MFHAS1: variants seen among roughly 807,000 people sequenced by gnomAD.
The protein encoded by MFHAS1 is malignant fibrous histiocytoma-amplified sequence 1.
In MFHAS1, 50 loss-of-function variants were observed where a neutral mutation model predicts 70.4. That is an observed-to-expected ratio of 0.71 (90% CI 0.57 to 0.90). The LOEUF is 0.90. Ranked by LOEUF, MFHAS1 falls within the 40% of genes least tolerant of loss-of-function variation. MFHAS1 has a pLI of 0.00. For synonymous variants in MFHAS1, 952 were observed against 620.0 expected, an observed-to-expected ratio of 1.54 and a Z score of -7.96; for missense variants, 1,795 against 1,347.6, an observed-to-expected ratio of 1.33 and a Z score of -5.20.
At chr8:8,804,024 T>C (rs12547493) in intron 1 of MFHAS1, among the ~76,000 whole-genome samples, 70,553 of 152,012 alleles carry the variant, frequency 0.46, 17,835 homozygotes, top group East Asian at 0.84. Flanking sequence ...TCGTAGGTTA[T>C]GTGCAAATAC....
chr8:8,883,104 G>T (rs945554743), intron 1 of MFHAS1, among the ~76,000 whole-genome samples: 1 of 152,136 alleles, frequency 6.6e-6, no homozygotes, highest in Non-Finnish European at 1.5e-5. Context: ...AGTGAGCCAT[G>T]ACTGTGCCAC....
chr8:8,838,428 T>C (rs943436054), intron 1 of MFHAS1, among the ~76,000 whole-genome samples: 1 of 152,234 alleles, frequency 6.6e-6, no homozygotes, highest in Non-Finnish European at 1.5e-5. Flanking sequence ...TTTTACGCTA[T>C]CCTGCTGTGT....
At chr8:8,825,248 C>G (rs557066035) in intron 1 of MFHAS1, among the ~76,000 whole-genome samples, 3 of 152,242 alleles carry the variant, frequency 2.0e-5, no homozygotes, top group African/African-American at 7.2e-5. Flanking sequence ...TCTCTGCTCA[C>G]TGCAACCTCC....
intron 1 of MFHAS1, among the ~76,000 whole-genome samples, chr8:8,881,899 T>C (rs908128322): frequency 2.0e-5 from 3 of 149,852 alleles, no homozygotes; most frequent in African/African-American, 7.4e-5. Flanking sequence ...CAAGGCCAGG[T>C]GGTAGAAGGC....
chr8:8,826,515 T>A (rs1807169093), intron 1 of MFHAS1, among the ~76,000 whole-genome samples: 1 of 152,112 alleles, frequency 6.6e-6, no homozygotes, highest in African/African-American at 2.4e-5. Flanking sequence ...GGTAGATCAC[T>A]TAAGGTCACG....
At chr8:8,865,366 A>G (rs1030705609) in intron 1 of MFHAS1, among the ~76,000 whole-genome samples, 2 of 151,802 alleles carry the variant, frequency 1.3e-5, no homozygotes, top group African/African-American at 2.4e-5. Context: ...AGCTCCACTT[A>G]GTTTAAGAAA....
intron 1 of MFHAS1, among the ~76,000 whole-genome samples, chr8:8,843,062 G>C (rs554957210): frequency 6.6e-6 from 1 of 151,440 alleles, no homozygotes; most frequent in South Asian, 2.1e-4. Flanking sequence ...TCAGGAGATC[G>C]AGACCATCCT....
chr8:8,839,403 T>G (rs546970411), intron 1 of MFHAS1, among the ~76,000 whole-genome samples: 120 of 152,338 alleles, frequency 7.9e-4, no homozygotes, highest in African/African-American at 2.6e-3. Context: ...AAAGCTATCA[T>G]CATTAAAGAG....
chr8:8,874,322 A>G (rs1809205102), intron 1 of MFHAS1, among the ~76,000 whole-genome samples: 1 of 141,554 alleles, frequency 7.1e-6, no homozygotes, highest in Admixed American at 7.3e-5. Context: ...AGGATATACT[A>G]TAACATTCTA....
chr8:8,788,779 C>T (rs112287398), intron 2 of MFHAS1, among the ~76,000 whole-genome samples: 2 of 152,230 alleles, frequency 1.3e-5, no homozygotes, highest in Non-Finnish European at 2.9e-5. Flanking sequence ...GACATATGAC[C>T]TTGGCCTCAG....
chr8:8,835,974 T>C (rs1362170765), intron 1 of MFHAS1, among the ~76,000 whole-genome samples: 1 of 152,228 alleles, frequency 6.6e-6, no homozygotes, highest in East Asian at 1.9e-4. Context: ...CACAGGTAGG[T>C]GGTTGCCACA....
chr8:8,869,928 A>G (rs1223643036), intron 1 of MFHAS1, among the ~76,000 whole-genome samples: 1 of 152,054 alleles, frequency 6.6e-6, no homozygotes, highest in Non-Finnish European at 1.5e-5. Flanking sequence ...TATTGTCTGA[A>G]TTACCTCTAA....
At position 8,869,832 on chromosome 8, in the gene MFHAS1, G is replaced by A. The variant is rs575095452; in HGVS notation, c.2998+20229C>T. Reference sequence around the variant, plus strand: ...GTTCAAGAGCTCAGAGCTAGGAGGAGAGAGGCCCAGGACTCTGCCTCATTA... The same window carrying A: ...GTTCAAGAGCTCAGAGCTAGGAGGAAAGAGGCCCAGGACTCTGCCTCATTA... On this transcript the variant is annotated intron_variant, in intron 1 of 2. Coordinates refer to ENST00000276282, the MANE Select transcript of MFHAS1 (RefSeq NM_004225.3). Among the ~76,000 whole-genome samples the A allele has an allele frequency of 4.6e-5, 7 of 152,294 alleles. No homozygotes were observed. In the South Asian group the frequency reaches 1.0e-3, roughly 23 times the overall value.
At chr8:8,838,856 C>T (rs530128807) in intron 1 of MFHAS1, among the ~76,000 whole-genome samples, 8 of 152,158 alleles carry the variant, frequency 5.3e-5, no homozygotes, top group African/African-American at 1.9e-4. Context: ...TCTCTTCTCC[C>T]TTCCTGAGTA....
Position 8,890,566 on chromosome 8 carries a change from G to A in MFHAS1, c.2493C>T (p.Tyr831=), listed in dbSNP as rs1443271024. 3.1e-6 allele frequency: 5 copies of A among 1,613,468 alleles called. No homozygotes were observed. The highest frequency in any genetic ancestry group is 4.2e-6 in the Non-Finnish European group (5 of 1,180,056). ...LELLEKMGLC[Y]CLNKPKGKPL... ...GCTTGCCCTTGGGTTTATTGAGGCA[G>A]TAACAGAGTCCCATCTTCTCCAGCA... Residue 831 remains tyrosine, a synonymous_variant, in exon 1 of 3, where the codon TAC becomes TAT. Transcript: ENST00000276282.
intron 2 of MFHAS1, among the ~76,000 whole-genome samples, chr8:8,787,478 G>A (rs907147632): frequency 1.3e-5 from 2 of 152,162 alleles, no homozygotes; most frequent in African/African-American, 2.4e-5. Context: ...TTTCACTAGG[G>A]TGATCTGACT....
chr8:8,866,097 G>A (rs1050885680), intron 1 of MFHAS1, among the ~76,000 whole-genome samples: 2 of 152,176 alleles, frequency 1.3e-5, no homozygotes, highest in African/African-American at 2.4e-5. Flanking sequence ...TAGCTGAAGT[G>A]CTTTTATTAT....
At chr8:8,851,880 G>C (rs1166184150) in intron 1 of MFHAS1, among the ~76,000 whole-genome samples, 1 of 152,202 alleles carries the variant, frequency 6.6e-6, no homozygotes, top group East Asian at 1.9e-4. Context: ...AGCGATCACA[G>C]TGTTCTCCAT....
rs189705465 is a variant in MFHAS1 at position 8,787,244 on chromosome 8, C to A, written c.3126-1189G>T. Among the ~76,000 whole-genome samples, 519 of 152,176 alleles carry A rather than the reference C, an allele frequency of 3.4e-3. 4 individuals are homozygous for A. The highest frequency in any genetic ancestry group is 0.012 in the African/African-American group (491 of 41,508). On this transcript the variant is annotated intron_variant, in intron 2 of 2. Coordinates refer to ENST00000276282, the MANE Select transcript of MFHAS1 (RefSeq NM_004225.3). The stretch of plus-strand genomic sequence containing the variant: ...TACATGTGCCCGCCACCACACGCGG[C>A]TAATTTTTTGCATTTTTAGTAGAGA...
Sources: gnomAD v4.1 joint callset for allele counts (sites outside exome capture counted in the v4.1 genomes callset) on GRCh38, gnomAD v4.1.1 for gene constraint, MANE v1.5 for transcripts, NCBI Gene and HGNC (gene_info 2026-07-23, HGNC 2026-07-21) for gene names.